Variants in JAML observed in about 807,000 individuals in gnomAD.
The protein encoded by JAML is junction adhesion molecule like.
A neutral mutation model predicts 39.3 loss-of-function variants in JAML; 25 were observed. That is an observed-to-expected ratio of 0.64 (90% CI 0.46 to 0.89). JAML has a LOEUF of 0.89. JAML is among the 40% of genes least tolerant of loss of function. The pLI is 0.00. For missense variants in JAML, 440 were observed against 486.9 expected (o/e 0.90, Z 0.91); for synonymous variants, 162 against 179.2 (o/e 0.90, Z 0.77).
intron 4 of JAML, chr11:118,209,115 G>C (rs1161978260): frequency 3.1e-6 from 1 of 318,934 alleles, no homozygotes; most frequent in East Asian, 8.9e-5. Context: ...TTCTACAGTT[G>C]CTTGCAATAC....
intron 2 of JAML, among the ~76,000 whole-genome samples, 183 bp downstream of exon 2, chr11:118,214,641 C>T (rs907612087): frequency 2.0e-5 from 3 of 152,048 alleles, no homozygotes; most frequent in Non-Finnish European, 4.4e-5. Flanking sequence ...CTTCAGCTTC[C>T]CAAGAAACCA....
intron 9 of JAML, among the ~76,000 whole-genome samples, chr11:118,196,121 C>T (rs889669897): frequency 4.0e-5 from 6 of 150,908 alleles, no homozygotes; most frequent in African/African-American, 1.5e-4. Flanking sequence ...GTGTGAGCCA[C>T]CATGCTCGGC....
chr11:118,195,389 A>G (rs590580), intron 9 of JAML, among the ~76,000 whole-genome samples: 86,493 of 151,658 alleles, frequency 0.57, 24,768 homozygotes, highest in South Asian at 0.76. Flanking sequence ...CAGGGCTGGT[A>G]CGATAGGAAC....
intron 7 of JAML, among the ~76,000 whole-genome samples, chr11:118,198,674 T>TAAAA (rs61119825): frequency 5.5e-5 from 7 of 127,642 alleles, no homozygotes; most frequent in African/African-American, 1.7e-4. Flanking sequence ...AAGTCAGAAC[T>TAAAA]AAAAAAAAAA....
intron 4 of JAML, chr11:118,209,102 A>G: frequency 3.3e-6 from 1 of 298,846 alleles, no homozygotes; most frequent in East Asian, 9.2e-5. Flanking sequence ...CCAATACAAC[A>G]GCTTCTACAG....
chr11:118,223,112 AAAAG>A (rs1346155482), intron 1 of JAML, among the ~76,000 whole-genome samples: 23 of 151,524 alleles, frequency 1.5e-4, no homozygotes, highest in Admixed American at 2.0e-4. Context: ...AAAAAAAAAA[AAAAG>A]AGTAATGTGA....
chr11:118,204,777 G>T (rs1474238213), intron 5 of JAML: 1 of 152,044 alleles, frequency 6.6e-6, no homozygotes. Flanking sequence ...TTGGTTGTAA[G>T]TTTCCCATCA....
At chr11:118,213,320 T>C in intron 2 of JAML, 1 of 1,036,960 alleles carries the variant, frequency 9.6e-7, no homozygotes, top group Non-Finnish European at 1.2e-6. Flanking sequence ...AAGATACATT[T>C]AGATGCTGCC....
intron 9 of JAML, among the ~76,000 whole-genome samples, chr11:118,195,798 C>G (rs751985850): frequency 4.6e-5 from 7 of 152,072 alleles, no homozygotes; most frequent in Non-Finnish European, 1.0e-4. Flanking sequence ...CAATACTTGC[C>G]CAAGGATCTT....
At position 118,222,157 on chromosome 11, in the gene JAML, T is replaced by C. The variant is rs1279090698; in HGVS notation, c.-21+2784A>G. Among the ~76,000 whole-genome samples the C allele has an allele frequency of 6.6e-6, 1 of 151,926 alleles. No individual in the cohort carries two copies. The highest frequency in any genetic ancestry group is 2.4e-5 in the African/African-American group (1 of 41,334). Reference sequence around the variant, plus strand: ...CTGGCCAGGCACAGTGGCTTATGCCTATAATCCTAGCACTTTGAGAGGCCA... The same window carrying C: ...CTGGCCAGGCACAGTGGCTTATGCCCATAATCCTAGCACTTTGAGAGGCCA... On this transcript the variant is annotated intron_variant, in intron 1 of 9. Coordinates refer to ENST00000356289, the MANE Select transcript of JAML (RefSeq NM_001098526.2). The surrounding 1 kb of genome is among the most constrained non-coding windows in gnomAD (Gnocchi z 4.2).
intron 2 of JAML, among the ~76,000 whole-genome samples, chr11:118,213,775 C>A (rs1419096751): frequency 6.6e-6 from 1 of 152,184 alleles, no homozygotes; most frequent in East Asian, 1.9e-4. Context: ...AACTACAAAA[C>A]CCCCAGTGCC....
intron 8 of JAML, chr11:118,197,122 G>T (rs1948674467): frequency 3.3e-6 from 1 of 302,878 alleles, no homozygotes; most frequent in Non-Finnish European, 6.3e-6. Flanking sequence ...TTGTATTCTG[G>T]GGTTATTTCC....
chr11:118,212,787 G>A, intron 2 of JAML: 1 of 1,600,296 alleles, frequency 6.2e-7, no homozygotes, highest in Non-Finnish European at 8.5e-7. Flanking sequence ...ATGCTATCTG[G>A]CTCCCTCCTC....
Position 118,194,366 on chromosome 11 carries a change from T to C in JAML, c.1144A>G (p.Lys382Glu), listed in dbSNP as rs200531285. 4.3e-5 allele frequency: 69 copies of C among 1,613,982 alleles called. 1 individual carries two copies. In the Middle Eastern group the frequency reaches 4.9e-4, roughly 12 times the overall value. The change falls in exon 10 of 10, where the codon AAG (lysine) becomes GAG (glutamate). Residue 382 changes from lysine to glutamate, a missense_variant. By Grantham distance (56) the Lys-to-Glu change is moderately conservative. Coordinates refer to ENST00000356289, the MANE Select transcript of JAML (RefSeq NM_001098526.2). ...GTTTTTGGCATTCCCCCACCTGACT[T>C]TTTTTCAAGTGAGTTGTTCCGATCT... Reference protein sequence around the residue: ...RSDRNNSLEKKSGGGMPKTQQ... With the variant: ...RSDRNNSLEKESGGGMPKTQQ...
Position 118,194,337 on chromosome 11 carries a change from C to T in JAML, c.1173G>A (p.Gln391=). Residue 391 remains glutamine, a synonymous_variant, in exon 10 of 10, where the codon CAG becomes CAA. Transcript: ENST00000356289. ...KKSGGGMPKT[Q]QAF Reference sequence around the variant, plus strand: ...CTCTCCATTCTTCTCAAAAGGCTTGCTGTGTTTTTGGCATTCCCCCACCTG... The same window carrying T: ...CTCTCCATTCTTCTCAAAAGGCTTGTTGTGTTTTTGGCATTCCCCCACCTG... 6.2e-7 allele frequency: 1 copy of T among 1,613,972 alleles called. No individual in the cohort carries two copies. Among genetic ancestry groups the T allele is most frequent in the South Asian group, 1.1e-5 (1 of 91,076 alleles).
chr11:118,203,559 C>A lies in JAML; in HGVS notation c.641G>T (p.Arg214Leu), dbSNP rs75667040. 3 of 1,614,166 alleles carry A rather than the reference C, an allele frequency of 1.9e-6. No homozygotes were observed. Among genetic ancestry groups the A allele is most frequent in the East Asian group, 4.5e-5 (2 of 44,888 alleles). ...TTGAAGCATGATGGAACCGTCATTG[C>A]GGAAAATGTCCCCCACCAGGTTCAC... ...NRVNLVGDIF[R>L]NDGSIMLQGV... Residue 214 changes from arginine to leucine, a missense_variant, in exon 6 of 10, where the codon CGC becomes CTC. Transcript: ENST00000356289.
chr11:118,211,266 A>T lies in JAML; in HGVS notation c.199-554T>A, dbSNP rs148212224. Among the ~76,000 whole-genome samples, 370 of 152,114 alleles carry T rather than the reference A, an allele frequency of 2.4e-3. 1 individual carries two copies. The highest frequency in any genetic ancestry group is 8.2e-3 in the African/African-American group (341 of 41,470). On this transcript the variant is annotated intron_variant, in intron 3 of 9. Transcript: ENST00000356289. ...CTTTTGTTTTTGGTTTTGGTTTTGT[A>T]TTGTTTTCTTCTGTCACCCGGGCTG...
rs1948601946 is a variant in JAML at position 118,194,120 on chromosome 11, C to T, written c.*205G>A. The stretch of plus-strand genomic sequence containing the variant: ...CCACTCCAGAGGCCAAGTCCATGCT[C>T]CCCTCCCCTCAGCAGGCCTGTTCCT... On this transcript the variant is annotated 3_prime_UTR_variant, in exon 10 of 10. Transcript: ENST00000356289. The T allele has an allele frequency of 3.7e-6, 2 of 536,842 alleles. No individual in the cohort carries two copies. The highest frequency in any genetic ancestry group is 1.9e-5 in the African/African-American group (1 of 52,160). 33.3% of individuals were successfully genotyped at this position (536,842 alleles called of 1,614,324 possible). A position where few individuals can be genotyped will look rare whatever the true frequency, so the allele number is the denominator to read the frequency against.
chr11:118,216,753 C>A (rs895607085), intron 1 of JAML, among the ~76,000 whole-genome samples: 2 of 152,118 alleles, frequency 1.3e-5, no homozygotes, highest in Non-Finnish European at 2.9e-5. Context: ...CATTTTTGAA[C>A]CTTGTTGTAA....
Sources: gnomAD v4.1 joint callset for allele counts (sites outside exome capture counted in the v4.1 genomes callset) on GRCh38, gnomAD v4.1.1 for gene constraint, Gnocchi (gnomAD v3.1) non-coding constraint, MANE v1.5 for transcripts, NCBI Gene and HGNC (gene_info 2026-07-23, HGNC 2026-07-21) for gene names.